SETD2: variants seen among roughly 807,000 people sequenced by gnomAD.
The protein encoded by SETD2 is histone-lysine N-methyltransferase SETD2.
Under a neutral mutation model 242.1 loss-of-function variants are expected in SETD2, and 31 were observed. The ratio of observed to expected loss-of-function variants is 0.13; its 90% confidence interval spans 0.10 to 0.17. The LOEUF (loss-of-function observed/expected upper bound fraction) is 0.17. Ranked by LOEUF, SETD2 falls within the 10% of genes least tolerant of loss-of-function variation. SETD2 has a pLI of 1.00. For missense variants in SETD2, 2,481 were observed against 3,046.3 expected (o/e 0.81, Z 4.37); for synonymous variants, 1,006 against 1,066.5 (o/e 0.94, Z 1.11).
chr3:47,022,193 T>TCACACA (rs55972218), intron 18 of SETD2, among the ~76,000 whole-genome samples: 25,746 of 130,704 alleles, frequency 0.2, 2,851 homozygotes, highest in Non-Finnish European at 0.24. Flanking sequence ...CAACAATCTG[T>TCACACA]CACACACACA....
At chr3:47,106,261 CAT>C (rs2042414609) in intron 5 of SETD2, 141 bp from the exon 6 acceptor site, 7 of 721,662 alleles carry the variant, frequency 9.7e-6, no homozygotes, top group South Asian at 4.8e-5. Flanking sequence ...ATTTCAAACA[CAT>C]GTCAAGTATC....
chr3:47,050,261 C>A (rs1199622650), intron 15 of SETD2, among the ~76,000 whole-genome samples: 4 of 151,908 alleles, frequency 2.6e-5, no homozygotes, highest in African/African-American at 7.2e-5. Context: ...AAAATATGTA[C>A]ACCTATTATG....
Position 47,121,999 on chromosome 3 carries a change from A to T in SETD2, c.2637T>A (p.Ile879=). 3 of 1,614,006 alleles carry T rather than the reference A, an allele frequency of 1.9e-6. No homozygotes were observed. The highest frequency in any genetic ancestry group is 2.5e-6 in the Non-Finnish European group (3 of 1,179,982). ...GTGGAAGACTCTGAAGAGATGAAGC[A>T]ATACCTGAACTCCCAATAGGTTGAT... The part of the protein sequence containing the change: ...DLYQPIGSSG[I]ASSLQSLPPG... The change falls in exon 3 of 21, where the codon ATT becomes ATA. Residue 879 remains isoleucine (I), a synonymous_variant. Transcript: ENST00000409792.
chr3:47,081,112 G>C, intron 12 of SETD2: 1 of 984,618 alleles, frequency 1.0e-6, no homozygotes, highest in Non-Finnish European at 1.2e-6. Flanking sequence ...AGTTACAAGG[G>C]GGATCATCAT....
chr3:47,026,907 TA>T (rs1177440119), intron 18 of SETD2, among the ~76,000 whole-genome samples: 1 of 151,946 alleles, frequency 6.6e-6, no homozygotes, highest in Admixed American at 6.6e-5. Context: ...TATACCTATA[TA>T]ACAAAACTGC....
intron 1 of SETD2, among the ~76,000 whole-genome samples, chr3:47,142,438 G>C (rs752997424): frequency 6.6e-6 from 1 of 152,058 alleles, no homozygotes; most frequent in Admixed American, 6.6e-5. Context: ...GAGCCCCAGA[G>C]GCCAAGGGTG....
rs532657477 is a variant in SETD2 at position 47,035,686 on chromosome 3, G to T, written c.7350+1980C>A. Among the ~76,000 whole-genome samples the T allele has an allele frequency of 1.7e-3, 265 of 152,304 alleles. 1 individual carries two copies. Among genetic ancestry groups the T allele is most frequent in the African/African-American group, 6.2e-3 (259 of 41,566 alleles). The stretch of plus-strand genomic sequence containing the variant: ...ATAGTTACGGTGCCCATGAACTTGG[G>T]CTTTTAAGAAGGGTAAGGCCTCCAA... On this transcript the variant is annotated intron_variant, in intron 18 of 20. Coordinates refer to ENST00000409792, the MANE Select transcript of SETD2 (RefSeq NM_014159.7).
intron 13 of SETD2, 84 bp from the exon 14 acceptor site, chr3:47,062,430 T>C: frequency 1.6e-6 from 2 of 1,263,944 alleles, no homozygotes; most frequent in Non-Finnish European, 2.2e-6. Flanking sequence ...ATGTATCAAC[T>C]GTATAATAAA....
intron 1 of SETD2, among the ~76,000 whole-genome samples, chr3:47,143,773 C>T (rs555857586): frequency 2.0e-5 from 3 of 152,086 alleles, no homozygotes; most frequent in South Asian, 4.2e-4. Context: ...TGCAGTGGCG[C>T]GATCTCGGCT....
intron 1 of SETD2, among the ~76,000 whole-genome samples, chr3:47,137,935 C>T (rs979197652): frequency 6.6e-6 from 1 of 151,832 alleles, no homozygotes; most frequent in Non-Finnish European, 1.5e-5. Flanking sequence ...GTGATCCACC[C>T]GCCTCAGTGT....
At chr3:47,157,662 T>C (rs1314910988) in intron 1 of SETD2, 3 of 404,398 alleles carry the variant, frequency 7.4e-6, no homozygotes, top group Non-Finnish European at 1.5e-5. Context: ...TCACCTGAGG[T>C]CAGGAGTTCG....
chr3:47,038,167 A>C (rs2039108622), intron 17 of SETD2, among the ~76,000 whole-genome samples: 1 of 152,226 alleles, frequency 6.6e-6, no homozygotes, highest in African/African-American at 2.4e-5. Flanking sequence ...CAGTGACTGT[A>C]CCTAGCATAT....
At chr3:47,153,426 C>T (rs909373704) in intron 1 of SETD2, among the ~76,000 whole-genome samples, 1 of 152,154 alleles carries the variant, frequency 6.6e-6, no homozygotes, top group Non-Finnish European at 1.5e-5. Flanking sequence ...CTCTGTTGGC[C>T]AGCCTCAAAC....
At chr3:47,146,747 G>A (rs2043865170) in intron 1 of SETD2, among the ~76,000 whole-genome samples, 1 of 151,934 alleles carries the variant, frequency 6.6e-6, no homozygotes, top group Non-Finnish European at 1.5e-5. Context: ...AACCAGCCCG[G>A]GCAACATGGA....
In SETD2 at chr3:47,083,713, T is replaced by G. The variant is rs2041414812; in HGVS notation, c.6060+7A>C. 4 of 1,595,840 alleles carry G rather than the reference T, an allele frequency of 2.5e-6. No homozygotes were observed. The highest frequency in any genetic ancestry group is 3.4e-6 in the Non-Finnish European group (4 of 1,171,414). The stretch of plus-strand genomic sequence containing the variant: ...CAAGTTGAAATGAACAAAAGATGCT[T>G]CCTTACCTTTAGGTCTTTCCAACTG... On this transcript the variant is annotated splice_region_variant and intron_variant, in intron 12 of 20. Transcript: ENST00000409792.
chr3:47,164,083 C>G lies in SETD2; in HGVS notation c.-159G>C. On this transcript the variant is annotated 5_prime_UTR_variant, in exon 1 of 21. Coordinates refer to ENST00000409792, the MANE Select transcript of SETD2 (RefSeq NM_014159.7). The surrounding 1 kb of genome is among the most constrained non-coding windows in gnomAD (Gnocchi z 5.4). ...GTCGCTACCTCGCTCGTCGCTCCCT[C>G]CCTCCCTCGGACGCCCGCCAGCCGC... 1.7e-6 allele frequency: 2 copies of G among 1,179,986 alleles called. No individual in the cohort carries two copies. Among genetic ancestry groups the G allele is most frequent in the South Asian group, 8.3e-5 (2 of 24,052 alleles). 73.1% of individuals were successfully genotyped at this position (1,179,986 alleles called of 1,614,324 possible). A position where few individuals can be genotyped will look rare whatever the true frequency, so the allele number is the denominator to read the frequency against.
intron 17 of SETD2, among the ~76,000 whole-genome samples, chr3:47,042,087 G>A (rs1575675744): frequency 6.6e-6 from 1 of 152,160 alleles, no homozygotes; most frequent in South Asian, 2.1e-4. Flanking sequence ...ACTGCCAGGT[G>A]CAGGGGCTCA....
chr3:47,077,192 C>A (rs1441836490), intron 12 of SETD2, among the ~76,000 whole-genome samples: 3 of 152,148 alleles, frequency 2.0e-5, no homozygotes, highest in Non-Finnish European at 4.4e-5. Flanking sequence ...TCAAGCAATT[C>A]CCCCTCCTCA....
At position 47,050,942 on chromosome 3, in the gene SETD2, A is replaced by G. The variant is rs183052103; in HGVS notation, c.6964-4321T>C. Among the ~76,000 whole-genome samples, 152 of 151,770 alleles carry G rather than the reference A, an allele frequency of 1.0e-3. 1 individual carries two copies. Among genetic ancestry groups the G allele is most frequent in the African/African-American group, 3.4e-3 (139 of 41,412 alleles). ...GAAACAAGGTTTCACCATGTTGGCCAGGCTGGTCTTGAACTCCTGACCTCA... is the reference window on the plus strand; with the variant it reads ...GAAACAAGGTTTCACCATGTTGGCCGGGCTGGTCTTGAACTCCTGACCTCA... On this transcript the variant is annotated intron_variant, in intron 15 of 20. Coordinates refer to ENST00000409792, the MANE Select transcript of SETD2 (RefSeq NM_014159.7).
Sources: allele counts gnomAD v4.1 joint callset (sites outside exome capture counted in the v4.1 genomes callset), GRCh38; gene constraint gnomAD v4.1.1; non-coding constraint Gnocchi (gnomAD v3.1); transcripts MANE v1.5; gene names NCBI Gene and HGNC (gene_info 2026-07-23, HGNC 2026-07-21).